The following UBR2 variants were observed in gnomAD, a reference collection of about 807,000 sequenced individuals.
UBR2 encodes E3 ubiquitin-protein ligase UBR2.
In UBR2, 92 loss-of-function variants were observed where a neutral mutation model predicts 247.9. The observed-to-expected ratio is 0.37, with a 90% CI of 0.31 to 0.44. The LOEUF (loss-of-function observed/expected upper bound fraction) is 0.44, where lower values mean the gene tolerates loss of function less well. Among genes scored for constraint, UBR2 ranks in the 20% least tolerant of loss-of-function variants. The probability of loss-of-function intolerance (pLI) is 1.00; values close to 1 mark genes in which losing one functional copy is unlikely to be tolerated. For synonymous variants in UBR2, 672 were observed against 693.5 expected (o/e 0.97, Z 0.49); for missense variants, 1,613 against 2,112.6 (o/e 0.76, Z 4.64).
intron 44 of UBR2, among the ~76,000 whole-genome samples, chr6:42,686,856 C>T (rs1169071259): frequency 6.6e-6 from 1 of 151,316 alleles, no homozygotes; most frequent in African/African-American, 2.4e-5. Flanking sequence ...ACGGGGCAGC[C>T]GGTCGGAGAC....
At chr6:42,581,421 A>C (rs73438633) in intron 2 of UBR2, among the ~76,000 whole-genome samples, 3,328 of 151,890 alleles carry the variant, frequency 0.022, 113 homozygotes, top group African/African-American at 0.075. Context: ...AAACTCCAGG[A>C]CTCAAATGAT....
At chr6:42,630,412 C>T (rs1582588943) in intron 11 of UBR2, among the ~76,000 whole-genome samples, 2 of 151,868 alleles carry the variant, frequency 1.3e-5, no homozygotes, top group African/African-American at 4.8e-5. Context: ...TCTCGAACTC[C>T]TGACCTTAGG....
rs181739014 is a variant in UBR2 at position 42,674,289 on chromosome 6, T to C, written c.4251+96T>C. 734 of 1,113,430 alleles carry C rather than the reference T, an allele frequency of 6.6e-4. 1 individual carries two copies. Among genetic ancestry groups the C allele is most frequent in the Admixed American group, 1.3e-3 (60 of 44,604 alleles). The allele number at this position is 1,113,430 out of a possible 1,614,324, so 69.0% of individuals were successfully genotyped here. On this transcript the variant is annotated intron_variant, in intron 38 of 46. Transcript: ENST00000372901. Reference sequence around the variant, plus strand: ...TGTAGTGGCAGACAGGAAGGAGTTATGTGATTTCCTTACCCCTTCTGAGTA... The same window carrying C: ...TGTAGTGGCAGACAGGAAGGAGTTACGTGATTTCCTTACCCCTTCTGAGTA...
intron 38 of UBR2, 38 bp from the exon 39 acceptor site, chr6:42,676,018 A>G: frequency 6.5e-7 from 1 of 1,549,284 alleles, no homozygotes; most frequent in African/African-American, 1.4e-5. Context: ...CTGTGAAAGG[A>G]AAGGCGATCT....
chr6:42,664,187 T>G (rs1373412645), intron 32 of UBR2: 1 of 151,610 alleles, frequency 6.6e-6, no homozygotes, highest in Non-Finnish European at 1.5e-5. Context: ...GCACATATAC[T>G]AAAATTGGAA....
At chr6:42,599,762 C>T (rs1230549819) in intron 4 of UBR2, among the ~76,000 whole-genome samples, 5 of 151,954 alleles carry the variant, frequency 3.3e-5, no homozygotes, top group Non-Finnish European at 4.4e-5. Flanking sequence ...CGATTTCTCC[C>T]CCTTCAGCCT....
chr6:42,619,451 A>ATTTTTTTTT (rs1310062071), intron 11 of UBR2: 2 of 23,018 alleles, frequency 8.7e-5, no homozygotes, highest in East Asian at 2.0e-3. Context: ...ATATATATAT[A>ATTTTTTTTT]TATTTTTTTT....
Position 42,591,964 on chromosome 6 carries a change from G to A in UBR2, c.339-187G>A, listed in dbSNP as rs558759635. ...CCTAGCACACATCCATTATGGAGAC[G>A]CAGGTCCTTAAACTGCTTTCATTGA... On this transcript the variant is annotated intron_variant, in intron 2 of 46. Coordinates refer to ENST00000372901, the MANE Select transcript of UBR2 (RefSeq NM_001363705.2). Among the ~76,000 whole-genome samples the A allele has an allele frequency of 1.3e-4, 20 of 152,240 alleles. No homozygotes were observed. In the Middle Eastern group the frequency reaches 0.01, roughly 78 times the overall value.
At chr6:42,605,018 C>T (rs1021366182) in intron 5 of UBR2, among the ~76,000 whole-genome samples, 3 of 151,646 alleles carry the variant, frequency 2.0e-5, no homozygotes, top group African/African-American at 7.3e-5. Context: ...CAGAGTGAGA[C>T]CCTATCTCAA....
At position 42,650,324 on chromosome 6, in the gene UBR2, C is replaced by T. The variant is rs1797041218; in HGVS notation, c.2503C>T (p.Pro835Ser). 3.1e-6 allele frequency: 5 copies of T among 1,613,972 alleles called. No homozygotes were observed. Among genetic ancestry groups the T allele is most frequent in the Non-Finnish European group, 4.2e-6 (5 of 1,179,910 alleles). ...AGGACGAGGCATGTATGAACTGAAACCAGAATGTGCCAAAGAGTTCAACTT... is the reference window on the plus strand; with the variant it reads ...AGGACGAGGCATGTATGAACTGAAATCAGAATGTGCCAAAGAGTTCAACTT... The part of the protein sequence containing the change: ...LTGRGMYELK[P>S]ECAKEFNLYF... Residue 835 changes from proline to serine, a missense_variant, in exon 23 of 47, where the codon CCA (proline) becomes TCA (serine). By Grantham distance (74) the Pro-to-Ser change is moderately conservative. Transcript: ENST00000372901.
intron 1 of UBR2, among the ~76,000 whole-genome samples, chr6:42,565,300 G>A (rs1003613565): frequency 3.9e-5 from 6 of 152,170 alleles, no homozygotes; most frequent in African/African-American, 1.4e-4. Context: ...AAGACAGCTT[G>A]GGCCCCACCT....
chr6:42,603,829 T>A, intron 5 of UBR2, 111 bp downstream of exon 5: 1 of 1,098,598 alleles, frequency 9.1e-7, no homozygotes, highest in Non-Finnish European at 1.3e-6. Flanking sequence ...AGCAGAACAA[T>A]AACCTCAATT....
In UBR2 at chr6:42,644,743, T is replaced by TA. The variant is rs1796656910; in HGVS notation, c.2284+208dup. 2.0e-5 allele frequency among the ~76,000 whole-genome samples: 3 copies of TA among 152,176 alleles called. No homozygotes were observed. The South Asian group carries it at 6.2e-4, about 32-fold the overall frequency. ...GTGGTGCTTTGGAAGAAGGAGAAAA[T>TA]ACAACTACTGAAGCAGAATAAACTG... On this transcript the variant is annotated intron_variant, in intron 20 of 46. Coordinates refer to ENST00000372901, the MANE Select transcript of UBR2 (RefSeq NM_001363705.2).
intron 1 of UBR2, among the ~76,000 whole-genome samples, chr6:42,566,510 G>T (rs1562268927): frequency 6.6e-6 from 1 of 152,034 alleles, no homozygotes; most frequent in Non-Finnish European, 1.5e-5. Context: ...TCAGCCTCCC[G>T]AATTACAGCT....
At chr6:42,666,817 C>A (rs1168226507) in intron 34 of UBR2, among the ~76,000 whole-genome samples, 2 of 152,180 alleles carry the variant, frequency 1.3e-5, no homozygotes, top group Non-Finnish European at 2.9e-5. Flanking sequence ...CAGTTAGTTA[C>A]AAGGTATAGC....
rs1270359107 is a variant in UBR2 at position 42,564,270 on chromosome 6, G to A, written c.-50G>A. The A allele has an allele frequency of 6.3e-7, 1 of 1,581,604 alleles. No individual in the cohort carries two copies. Among genetic ancestry groups the A allele is most frequent in the East Asian group, 2.3e-5 (1 of 43,532 alleles). On this transcript the variant is annotated 5_prime_UTR_variant, in exon 1 of 47. Coordinates refer to ENST00000372901, the MANE Select transcript of UBR2 (RefSeq NM_001363705.2). ...GTCGAGGCCGCCGGGGCCGAGGTGA[G>A]GCTGCAGCTCTCCGGGCGGCGGTAG...
intron 11 of UBR2, among the ~76,000 whole-genome samples, chr6:42,625,970 T>C (rs1284715086): frequency 5.3e-5 from 8 of 151,862 alleles, no homozygotes; most frequent in East Asian, 3.9e-4. Context: ...CCCGCCACCA[T>C]GCCTGGCTAT....
In UBR2 at chr6:42,655,633, A is replaced by G. The variant is rs764688689; in HGVS notation, c.2782A>G (p.Ile928Val). The change falls in exon 26 of 47, where the codon ATT becomes GTT. Residue 928 changes from isoleucine (I) to valine (V), a missense_variant. Physicochemically the swap from Ile to Val is conservative, Grantham distance 29. Coordinates refer to ENST00000372901, the MANE Select transcript of UBR2 (RefSeq NM_001363705.2). ...ACATTTATTCAAGGTGTTACATTTA[A>G]TTGGCATGGCACTACAAGAAGAAAA... The part of the protein sequence containing the change: ...ESMLQRVLHL[I>V]GMALQEEKQH... The G allele has an allele frequency of 2.6e-6, 4 of 1,552,060 alleles. No individual in the cohort carries two copies. The Admixed American group carries it at 9.5e-5, about 37-fold the overall frequency.
At chr6:42,639,318 C>T (rs2812674) in intron 15 of UBR2, among the ~76,000 whole-genome samples, 65,130 of 152,096 alleles carry the variant, frequency 0.43, 13,983 homozygotes, top group African/African-American at 0.47. Flanking sequence ...GAAGGCTGGG[C>T]GTGGTGGCTC....
Sources: gnomAD v4.1 joint callset for allele counts (sites outside exome capture counted in the v4.1 genomes callset) on GRCh38, gnomAD v4.1.1 for gene constraint, MANE v1.5 for transcripts, NCBI Gene and HGNC (gene_info 2026-07-23, HGNC 2026-07-21) for gene names.